Variants in CRTC3 observed in about 807,000 individuals in gnomAD.
The protein encoded by CRTC3 is CREB regulated transcription coactivator 3.
Under a neutral mutation model 74.5 loss-of-function variants are expected in CRTC3, and 26 were observed. That is an observed-to-expected ratio of 0.35 (90% CI 0.26 to 0.48). The LOEUF is 0.48. Ranked by LOEUF, CRTC3 falls within the 20% of genes least tolerant of loss-of-function variation. The probability of loss-of-function intolerance (pLI) is 0.99; values close to 1 mark genes in which losing one functional copy is unlikely to be tolerated. For missense variants in CRTC3, 760 were observed against 787.3 expected, an observed-to-expected ratio of 0.97 and a Z score of 0.41; for synonymous variants, 377 against 325.8, an observed-to-expected ratio of 1.16 and a Z score of -1.69.
chr15:90,632,667 C>T (rs112064139), intron 11 of CRTC3, among the ~76,000 whole-genome samples: 4,612 of 152,120 alleles, frequency 0.03, 127 homozygotes, highest in Non-Finnish European at 0.049. Flanking sequence ...TGTAGTGGTG[C>T]GATCTCAACT....
chr15:90,581,146 G>A (rs1464851800), intron 2 of CRTC3, among the ~76,000 whole-genome samples: 1 of 152,160 alleles, frequency 6.6e-6, no homozygotes, highest in African/African-American at 2.4e-5. Flanking sequence ...CCTTTGGTGA[G>A]GATGCTGTCT....
At chr15:90,641,041 C>T (rs771605268) in intron 13 of CRTC3, 56 bp from the exon 14 acceptor site, 28 of 1,158,490 alleles carry the variant, frequency 2.4e-5, no homozygotes, top group Non-Finnish European at 3.3e-5. Flanking sequence ...GCAATACTCA[C>T]TTCCTCCTTG....
At chr15:90,555,182 C>G (rs1966878003) in intron 2 of CRTC3, among the ~76,000 whole-genome samples, 1 of 152,116 alleles carries the variant, frequency 6.6e-6, no homozygotes, top group African/African-American at 2.4e-5. Context: ...GTGGCAGCCC[C>G]CCTTTTTAGT....
chr15:90,580,879 T>C (rs1020397205), intron 2 of CRTC3, among the ~76,000 whole-genome samples: 3 of 152,196 alleles, frequency 2.0e-5, no homozygotes, highest in African/African-American at 7.2e-5. Context: ...TGGTTCGTTA[T>C]GGAGACTAAA....
intron 1 of CRTC3, chr15:90,539,610 C>A: frequency 4.9e-6 from 1 of 202,782 alleles, no homozygotes; most frequent in Non-Finnish European, 9.8e-6. Context: ...CTAGGTTGTA[C>A]CTATCTTATG....
chr15:90,617,893 C>A lies in CRTC3; in HGVS notation c.624C>A (p.Phe208Leu). The A allele has an allele frequency of 6.2e-7, 1 of 1,611,050 alleles. No individual in the cohort carries two copies. Among genetic ancestry groups the A allele is most frequent in the Non-Finnish European group, 8.5e-7 (1 of 1,177,432 alleles). Residue 208 changes from phenylalanine to leucine, a missense_variant, in exon 8 of 15, where the codon TTC (phenylalanine) becomes TTA (leucine). Phe to Leu is a conservative substitution (Grantham distance 22, BLOSUM62 0). Around this residue, in one of 2 missense-constraint regions of CRTC3, gnomAD observed 652 missense variants for 635.2 expected, o/e 1.03. Coordinates refer to ENST00000268184, the MANE Select transcript of CRTC3 (RefSeq NM_022769.5). ...TTTTTTTCCCTTTAGTAGCATCTTT[C>A]CCTGGCCCATTGAAAGAAGAGAATC... ...ENNGHGEVASFPGPLKEENLL... is the reference protein window; with the variant it reads ...ENNGHGEVASLPGPLKEENLL...
At chr15:90,552,483 C>G (rs1354335584) in intron 2 of CRTC3, among the ~76,000 whole-genome samples, 2 of 152,162 alleles carry the variant, frequency 1.3e-5, no homozygotes, top group African/African-American at 4.8e-5. Context: ...CCTGATCACC[C>G]CTCATCTAGT....
At chr15:90,639,201 T>G (rs28444914) in intron 13 of CRTC3, among the ~76,000 whole-genome samples, 2,945 of 151,938 alleles carry the variant, frequency 0.019, 107 homozygotes, top group African/African-American at 0.067. Context: ...GCATTTGGCC[T>G]GCACCCAGGC....
At chr15:90,551,539 CT>C (rs1342968637) in intron 2 of CRTC3, among the ~76,000 whole-genome samples, 2 of 152,150 alleles carry the variant, frequency 1.3e-5, no homozygotes, top group Non-Finnish European at 2.9e-5. Flanking sequence ...GCACTGCCCC[CT>C]ATTTTGAGAA....
At chr15:90,580,643 G>A (rs927257684) in intron 2 of CRTC3, among the ~76,000 whole-genome samples, 8 of 151,910 alleles carry the variant, frequency 5.3e-5, no homozygotes, top group Non-Finnish European at 1.0e-4. Context: ...GGCCAGGCTG[G>A]TCTCAAACTC....
intron 2 of CRTC3, among the ~76,000 whole-genome samples, chr15:90,583,532 AAAC>A (rs1282791551): frequency 1.3e-5 from 2 of 152,190 alleles, no homozygotes; most frequent in Non-Finnish European, 1.5e-5. Flanking sequence ...TCCAGGTTAA[AAAC>A]AAACAAAAAA....
At chr15:90,632,896 A>AC (rs1202364249) in intron 11 of CRTC3, among the ~76,000 whole-genome samples, 1 of 152,126 alleles carries the variant, frequency 6.6e-6, no homozygotes, top group Non-Finnish European at 1.5e-5. Context: ...GAGCCACCTC[A>AC]CCCAGCCTAA....
rs1466150150 is a variant in CRTC3, at chr15:90,589,180, C to T, written c.232-4456C>T. 2.0e-5 allele frequency among the ~76,000 whole-genome samples: 3 copies of T among 151,792 alleles called. No homozygotes were observed. The East Asian group carries it at 5.8e-4, about 29-fold the overall frequency. On this transcript the variant is annotated intron_variant, in intron 2 of 14. Coordinates refer to ENST00000268184, the MANE Select transcript of CRTC3 (RefSeq NM_022769.5). ...CAAGCGATTCTCCTGCCTCAGCCTC[C>T]TGAGTAGCTAGGATTACAGGCATGC...
At chr15:90,553,388 T>C (rs555334400) in intron 2 of CRTC3, among the ~76,000 whole-genome samples, 1 of 152,348 alleles carries the variant, frequency 6.6e-6, no homozygotes, top group South Asian at 2.1e-4. Context: ...TTTTGGAATG[T>C]GCATCTGTCC....
intron 1 of CRTC3, among the ~76,000 whole-genome samples, chr15:90,536,553 T>C (rs974903909): frequency 5.9e-5 from 9 of 152,088 alleles, no homozygotes; most frequent in African/African-American, 2.2e-4. Context: ...ATTTTAGAAT[T>C]ATCTTGTCAA....
At chr15:90,641,609 A>G (rs996983160) in intron 14 of CRTC3, among the ~76,000 whole-genome samples, 9 of 152,002 alleles carry the variant, frequency 5.9e-5, no homozygotes, top group Non-Finnish European at 1.0e-4. Flanking sequence ...CTGAGGCAGA[A>G]TGGCACCAAC....
At chr15:90,562,154 AG>A (rs1045880242) in intron 2 of CRTC3, among the ~76,000 whole-genome samples, 1 of 152,212 alleles carries the variant, frequency 6.6e-6, no homozygotes, top group African/African-American at 2.4e-5. Flanking sequence ...GGAAGTCACC[AG>A]GGTAACCACT....
intron 2 of CRTC3, among the ~76,000 whole-genome samples, chr15:90,566,498 C>T (rs935363856): frequency 2.8e-4 from 42 of 150,156 alleles, no homozygotes; most frequent in African/African-American, 9.8e-4. Context: ...TGCAGTGAGC[C>T]GAGATCATGC....
chr15:90,573,982 C>A (rs547344822), intron 2 of CRTC3, among the ~76,000 whole-genome samples: 26 of 152,314 alleles, frequency 1.7e-4, no homozygotes, highest in African/African-American at 6.0e-4. Flanking sequence ...ATACACATGT[C>A]TGTACCTTGC....
Sources: allele counts gnomAD v4.1 joint callset (sites outside exome capture counted in the v4.1 genomes callset), GRCh38; gene constraint gnomAD v4.1.1; regional missense constraint gnomAD v4.1.1; transcripts MANE v1.5; gene names NCBI Gene and HGNC (gene_info 2026-07-23, HGNC 2026-07-21).